Variants in ABHD18 observed in about 807,000 individuals in gnomAD.
ABHD18 encodes the protein abhydrolase domain containing 18, also known as cardiolipin-specific deacylase, mitochondrial.
A neutral mutation model predicts 65.9 loss-of-function variants in ABHD18; 55 were observed. That is an observed-to-expected ratio of 0.84 (90% CI 0.67 to 1.05). ABHD18 has a LOEUF of 1.05. Ranked by LOEUF, ABHD18 falls within the 50% of genes least tolerant of loss-of-function variation. The pLI is 0.00. For missense variants in ABHD18, 533 were observed against 558.5 expected, an observed-to-expected ratio of 0.95 and a Z score of 0.46; for synonymous variants, 181 against 180.2, an observed-to-expected ratio of 1.00 and a Z score of -0.04.
In ABHD18 at chr4:128,037,118, CAA is replaced by C. The variant is rs755703128; in HGVS notation, c.*1331_*1332del. 389 of 24,816 alleles carry C rather than the reference CAA, an allele frequency of 0.016. No individual in the cohort carries two copies. The highest frequency in any genetic ancestry group is 0.05 in the African/African-American group (340 of 6,826). The allele number at this position is 24,816 out of a possible 1,614,324, so 1.5% of individuals were successfully genotyped here. On this transcript the variant is annotated 3_prime_UTR_variant, in exon 13 of 13. Coordinates refer to ENST00000645843, the MANE Select transcript of ABHD18 (RefSeq NM_001358451.3). ...TGGGCAACAGAGCAAAACTCCATCTCAAAAAAAAAAAAAAAAAAAAAAAAAAA... is the reference window on the plus strand; with the variant it reads ...TGGGCAACAGAGCAAAACTCCATCTCAAAAAAAAAAAAAAAAAAAAAAAAA...
At chr4:128,015,087 A>AT (rs1189251453) in intron 7 of ABHD18, among the ~76,000 whole-genome samples, 1 of 151,726 alleles carries the variant, frequency 6.6e-6, no homozygotes, top group Non-Finnish European at 1.5e-5. Flanking sequence ...AAAAAAAAAA[A>AT]AAAAAAAATT....
intron 12 of ABHD18, among the ~76,000 whole-genome samples, chr4:128,033,097 G>A (rs1758436573): frequency 6.6e-6 from 1 of 151,414 alleles, no homozygotes; most frequent in Admixed American, 6.6e-5. Context: ...ACTAAAAATA[G>A]AAAAAAATTA....
intron 12 of ABHD18, among the ~76,000 whole-genome samples, chr4:128,035,128 G>C (rs534534274): frequency 2.6e-5 from 4 of 152,110 alleles, no homozygotes; most frequent in Admixed American, 2.6e-4. Context: ...TTTCAACGAA[G>C]CGATAAGACA....
intron 4 of ABHD18, among the ~76,000 whole-genome samples, chr4:128,006,331 C>G (rs1422970553): frequency 6.6e-6 from 1 of 152,116 alleles, no homozygotes; most frequent in African/African-American, 2.4e-5. Context: ...TTCATCTCCC[C>G]AAAATCTTTA....
intron 1 of ABHD18, among the ~76,000 whole-genome samples, chr4:127,967,747 A>G (rs1418826733): frequency 6.6e-6 from 1 of 151,902 alleles, no homozygotes; most frequent in Non-Finnish European, 1.5e-5. Context: ...GAACACACAC[A>G]TAGCATCCAA....
At chr4:128,029,705 A>G (rs1422030949) in intron 11 of ABHD18, among the ~76,000 whole-genome samples, 1 of 151,946 alleles carries the variant, frequency 6.6e-6, no homozygotes, top group African/African-American at 2.4e-5. Flanking sequence ...TGTGCCTGTA[A>G]TCCCAGCTAC....
At chr4:128,000,793 T>A (rs1201521208) in intron 4 of ABHD18, among the ~76,000 whole-genome samples, 2 of 152,206 alleles carry the variant, frequency 1.3e-5, no homozygotes, top group Admixed American at 6.5e-5. Flanking sequence ...TTTGTTTATG[T>A]CATCTCTGAT....
intron 1 of ABHD18, among the ~76,000 whole-genome samples, chr4:127,978,916 G>A (rs938756697): frequency 1.1e-4 from 16 of 152,126 alleles, no homozygotes; most frequent in South Asian, 2.1e-4. Context: ...TTGAAAAATC[G>A]TAAGTTGAAC....
At chr4:127,993,775 C>T (rs1047653746) in intron 4 of ABHD18, among the ~76,000 whole-genome samples, 7 of 152,062 alleles carry the variant, frequency 4.6e-5, no homozygotes, top group Admixed American at 4.6e-4. Context: ...CCTTATGGTG[C>T]ACATTTAAGT....
intron 4 of ABHD18, among the ~76,000 whole-genome samples, chr4:128,007,371 G>C (rs1753774550): frequency 7.0e-6 from 1 of 143,390 alleles, no homozygotes; most frequent in Admixed American, 7.0e-5. Flanking sequence ...TATTCCACCA[G>C]AGTAAAACAA....
intron 4 of ABHD18, among the ~76,000 whole-genome samples, chr4:127,997,978 C>T (rs1158947700): frequency 6.6e-6 from 1 of 151,934 alleles, no homozygotes; most frequent in East Asian, 1.9e-4. Flanking sequence ...CAGTCTTGAA[C>T]TCCTAGGCTT....
intron 4 of ABHD18, among the ~76,000 whole-genome samples, chr4:127,995,125 C>G (rs1444829251): frequency 6.6e-6 from 1 of 152,194 alleles, no homozygotes; most frequent in Non-Finnish European, 1.5e-5. Flanking sequence ...AGTGATTCAC[C>G]TGCCTCAGCC....
intron 4 of ABHD18, among the ~76,000 whole-genome samples, chr4:128,007,632 T>C (rs1753824744): frequency 6.6e-6 from 1 of 151,712 alleles, no homozygotes; most frequent in Admixed American, 6.6e-5. Flanking sequence ...TCCCAGCTAC[T>C]TGGGAGGCTG....
chr4:127,990,152 G>T (rs1005455030), intron 4 of ABHD18, among the ~76,000 whole-genome samples: 1 of 152,164 alleles, frequency 6.6e-6, no homozygotes, highest in Non-Finnish European at 1.5e-5. Context: ...TGATTTTTTA[G>T]TTCCATTTTT....
intron 10 of ABHD18, among the ~76,000 whole-genome samples, chr4:128,022,058 A>G (rs1021205682): frequency 5.3e-5 from 8 of 152,182 alleles, no homozygotes; most frequent in Non-Finnish European, 1.0e-4. Flanking sequence ...GGCGGGGAAC[A>G]TCACACACCG....
At chr4:128,001,721 T>C (rs1579290896) in intron 4 of ABHD18, 2 of 1,546,624 alleles carry the variant, frequency 1.3e-6, no homozygotes, top group African/African-American at 2.7e-5. Flanking sequence ...TCCAGGATTA[T>C]TGATGAAATG....
intron 4 of ABHD18, among the ~76,000 whole-genome samples, chr4:127,995,730 T>C (rs1307318739): frequency 1.3e-5 from 2 of 152,188 alleles, no homozygotes; most frequent in African/African-American, 4.8e-5. Flanking sequence ...AATAATACTT[T>C]AATATTATAC....
At chr4:128,024,194 A>G (rs1198839027) in intron 10 of ABHD18, among the ~76,000 whole-genome samples, 2 of 152,208 alleles carry the variant, frequency 1.3e-5, no homozygotes, top group East Asian at 3.8e-4. Flanking sequence ...CAGAAGGCAT[A>G]AGGGCAAGAG....
chr4:128,011,910 A>T (rs887468439), intron 7 of ABHD18, among the ~76,000 whole-genome samples: 4 of 152,174 alleles, frequency 2.6e-5, no homozygotes, highest in African/African-American at 9.7e-5. Flanking sequence ...GAAATACAAT[A>T]AAAAATTTTA....
Sources: allele counts gnomAD v4.1 joint callset (sites outside exome capture counted in the v4.1 genomes callset), GRCh38; gene constraint gnomAD v4.1.1; transcripts MANE v1.5; gene names NCBI Gene and HGNC (gene_info 2026-07-23, HGNC 2026-07-21).